ALMS1: variants seen among roughly 807,000 people sequenced by gnomAD.
ALMS1 encodes centrosome-associated protein ALMS1.
Under a neutral mutation model 352.2 loss-of-function variants are expected in ALMS1, and 271 were observed. That is an observed-to-expected ratio of 0.77 (90% CI 0.70 to 0.85). The LOEUF is 0.85. ALMS1 is among the 40% of genes least tolerant of loss of function. The pLI is 0.00. For synonymous variants in ALMS1, 1,865 were observed against 1,761.2 expected, an observed-to-expected ratio of 1.06 and a Z score of -1.48; for missense variants, 5,445 against 4,870.7, an observed-to-expected ratio of 1.12 and a Z score of -3.51.
At chr2:73,607,789 A>G (rs1573060766) in intron 21 of ALMS1, among the ~76,000 whole-genome samples, 1 of 148,940 alleles carries the variant, frequency 6.7e-6, no homozygotes, top group Admixed American at 6.7e-5. Flanking sequence ...GATTACAGGC[A>G]TCTGCCACCA....
At chr2:73,548,448 C>A (rs899597374) in intron 12 of ALMS1, among the ~76,000 whole-genome samples, 1 of 152,204 alleles carries the variant, frequency 6.6e-6, no homozygotes, top group Non-Finnish European at 1.5e-5. Flanking sequence ...GAGGTTGATT[C>A]TCTTGCTTAT....
chr2:73,451,359 C>T lies in ALMS1; in HGVS notation c.4832C>T (p.Pro1611Leu). ...SGPTEKKTDI[P>L]AGPLGSSALG... ...CCTACTGAAAAAAAGACTGACATAC[C>T]AGCAGGACCTTTAGGTTCCAGTGCA... Residue 1611 changes from proline (P) to leucine (L), a missense_variant, in exon 8 of 23, where the codon CCA becomes CTA. Physicochemically the swap from Pro to Leu is moderately conservative, Grantham distance 98. Coordinates refer to ENST00000613296, the MANE Select transcript of ALMS1 (RefSeq NM_001378454.1). 1 of 1,613,938 alleles carries T rather than the reference C, an allele frequency of 6.2e-7. No individual in the cohort carries two copies. The highest frequency in any genetic ancestry group is 8.5e-7 in the Non-Finnish European group (1 of 1,179,962).
At chr2:73,540,663 A>G (rs1674155054) in intron 12 of ALMS1, among the ~76,000 whole-genome samples, 1 of 152,198 alleles carries the variant, frequency 6.6e-6, no homozygotes, top group Non-Finnish European at 1.5e-5. Flanking sequence ...GGCTCAAAAT[A>G]AAGGGATAGA....
In ALMS1 at chr2:73,596,190, C is replaced by T. The variant is rs1035673581; in HGVS notation, c.11548-3211C>T. 2.0e-5 allele frequency among the ~76,000 whole-genome samples: 3 copies of T among 152,150 alleles called. No individual in the cohort carries two copies. The South Asian group carries it at 6.2e-4, about 31-fold the overall frequency. On this transcript the variant is annotated intron_variant, in intron 16 of 22. Transcript: ENST00000613296. The stretch of plus-strand genomic sequence containing the variant: ...TATATTCAAGAACTGTTTGCCTAAC[C>T]AAAGTCATAGAGATATTCTCCTATG...
In ALMS1 at chr2:73,490,859, A is replaced by C; in HGVS notation, c.8900A>C (p.Glu2967Ala). ...GACCTTCCGTCTCCCATTTCTCTTG[A>C]ACAATGCCAAAGCAAAGCGCCAGGT... is the stretch of plus-strand genomic sequence containing the variant. ...ASDLPSPISL[E>A]QCQSKAPGVD... is the part of the protein sequence containing the mutation. The change falls in exon 10 of 23, where the codon GAA (glutamate) becomes GCA (alanine). Residue 2967 changes from glutamate (E) to alanine (A), a missense_variant. Coordinates refer to ENST00000613296, the MANE Select transcript of ALMS1 (RefSeq NM_001378454.1). 6.2e-7 allele frequency: 1 copy of C among 1,614,002 alleles called. No individual in the cohort carries two copies. Among genetic ancestry groups the C allele is most frequent in the South Asian group, 1.1e-5 (1 of 91,068 alleles).
At position 73,600,717 on chromosome 2, in the gene ALMS1, G is replaced by A. The variant is rs201673771; in HGVS notation, c.11708G>A (p.Arg3903Gln). Residue 3903 changes from arginine (R) to glutamine (Q), a missense_variant, in exon 18 of 23, where the codon CGA becomes CAA. Transcript: ENST00000613296. Reference sequence around the variant, plus strand: ...GTGAACGGTGCCAAAAAACACACTCGAGATGTTGGGATAACTTTCCCAACT... The same window carrying A: ...GTGAACGGTGCCAAAAAACACACTCAAGATGTTGGGATAACTTTCCCAACT... ...EIVNGAKKHT[R>Q]DVGITFPTPS... 8.3e-4 allele frequency: 1,335 copies of A among 1,614,068 alleles called. 1 individual carries two copies. Among genetic ancestry groups the A allele is most frequent in the Non-Finnish European group, 1.1e-3 (1,260 of 1,180,008 alleles).
intron 9 of ALMS1, among the ~76,000 whole-genome samples, chr2:73,473,612 C>T (rs933185951): frequency 2.0e-5 from 3 of 151,968 alleles, no homozygotes; most frequent in Non-Finnish European, 4.4e-5. Context: ...ACTCAATGAG[C>T]TGAACAATAC....
chr2:73,609,151 G>A (rs1329688153), intron 22 of ALMS1, among the ~76,000 whole-genome samples: 1 of 152,228 alleles, frequency 6.6e-6, no homozygotes, highest in Non-Finnish European at 1.5e-5. Context: ...ATACTTCACT[G>A]TAGTTGTTTC....
intron 13 of ALMS1, among the ~76,000 whole-genome samples, chr2:73,555,125 A>G (rs1423401721): frequency 2.6e-5 from 4 of 152,210 alleles, no homozygotes; most frequent in Admixed American, 2.6e-4. Context: ...TTTTTCGTGG[A>G]ACTTGACAGG....
rs1279010454 is a variant in ALMS1, at chr2:73,424,769, A to G, written c.1104A>G (p.Ser368=). The G allele has an allele frequency of 2.5e-6, 4 of 1,613,742 alleles. No homozygotes were observed. Among genetic ancestry groups the G allele is most frequent in the East Asian group, 4.5e-5 (2 of 44,892 alleles). ...ENNLADKDQV[S]VATSFDITDE... ...ATTTAGCTGATAAAGATCAAGTTTC[A>G]GTTGCAACTTCATTTGACATAACTG... The change falls in exon 5 of 23, where the codon TCA becomes TCG. Residue 368 remains serine, a synonymous_variant. Coordinates refer to ENST00000613296, the MANE Select transcript of ALMS1 (RefSeq NM_001378454.1).
intron 1 of ALMS1, among the ~76,000 whole-genome samples, chr2:73,404,488 TGAAA>T (rs1670933901): frequency 6.6e-6 from 1 of 151,962 alleles, no homozygotes; most frequent in East Asian, 1.9e-4. Flanking sequence ...TTTTAAATAA[TGAAA>T]GGGTGTTGAA....
Position 73,602,245 on chromosome 2 carries a change from C to T in ALMS1, c.12175C>T (p.Leu4059=), listed in dbSNP as rs1052162. ...ISRSGERIKR[L]KLIVQERKLQ... is the part of the protein sequence containing the mutation. The stretch of plus-strand genomic sequence containing the variant: ...CCGCTCTGGGGAGCGGATAAAGCGC[C>T]TGAAGTTAATAGTCCAGGAGAGGAA... The change falls in exon 20 of 23, where the codon CTG becomes TTG. Residue 4059 remains leucine (L), a synonymous_variant. Transcript: ENST00000613296. 407,452 of 1,613,824 alleles carry T rather than the reference C, an allele frequency of 0.25. 62,464 individuals are homozygous for T. Among genetic ancestry groups the T allele is most frequent in the African/African-American group, 0.71 (53,347 of 74,938 alleles).
rs1345015078 is a variant in ALMS1 at position 73,453,880 on chromosome 2, A to G, written c.7353A>G (p.Ser2451=). The change falls in exon 8 of 23, where the codon TCA becomes TCG. Residue 2451 remains serine, a synonymous_variant. Coordinates refer to ENST00000613296, the MANE Select transcript of ALMS1 (RefSeq NM_001378454.1). ...TTCTAAACTTCTTTCCATATGTTTCACCCAAGACAAGTATAACAGATAGCA... is the reference window on the plus strand; with the variant it reads ...TTCTAAACTTCTTTCCATATGTTTCGCCCAAGACAAGTATAACAGATAGCA... ...DVLLNFFPYV[S]PKTSITDSRE... is the part of the protein sequence containing the mutation. The G allele has an allele frequency of 6.2e-7, 1 of 1,614,094 alleles. No homozygotes were observed. Among genetic ancestry groups the G allele is most frequent in the Non-Finnish European group, 8.5e-7 (1 of 1,180,000 alleles).
At chr2:73,604,491 A>G (rs10174770) in intron 21 of ALMS1, among the ~76,000 whole-genome samples, 5,191 of 152,314 alleles carry the variant, frequency 0.034, 303 homozygotes, top group African/African-American at 0.12. Flanking sequence ...TGACTTTTTT[A>G]GGCATTCATT....
intron 1 of ALMS1, among the ~76,000 whole-genome samples, chr2:73,394,440 C>T (rs1300915099): frequency 1.3e-5 from 2 of 152,072 alleles, no homozygotes; most frequent in South Asian, 2.1e-4. Context: ...AAACCTCTGC[C>T]TCCTGGGTTC....
chr2:73,563,413 T>C (rs557521770), intron 15 of ALMS1, among the ~76,000 whole-genome samples: 102 of 152,140 alleles, frequency 6.7e-4, no homozygotes, highest in South Asian at 4.2e-3. Context: ...TAAGGAAATT[T>C]ATGTTGCCTT....
rs139512700 is a variant in ALMS1 at position 73,424,847 on chromosome 2, T to C, written c.1182T>C (p.Tyr394=). The C allele has an allele frequency of 7.1e-4, 1,138 of 1,607,850 alleles. 4 individuals are homozygous for C. In the African/African-American group the frequency reaches 0.012, roughly 17 times the overall value. The change falls in exon 5 of 23, where the codon TAT becomes TAC. Residue 394 remains tyrosine (Y), a synonymous_variant. Transcript: ENST00000613296. ...ACCATTTTGATGCTGCTCGTTCATATGGGCAGTATTGGACACAGGAAGATT... is the reference window on the plus strand; with the variant it reads ...ACCATTTTGATGCTGCTCGTTCATACGGGCAGTATTGGACACAGGAAGATT... ...RSDHFDAARS[Y]GQYWTQEDSS... is the part of the protein sequence containing the mutation.
intron 12 of ALMS1, among the ~76,000 whole-genome samples, chr2:73,545,158 T>G (rs1351892473): frequency 1.3e-5 from 2 of 151,858 alleles, no homozygotes; most frequent in Non-Finnish European, 2.9e-5. Flanking sequence ...AAGTGTACAC[T>G]TAAAAATGAT....
intron 2 of ALMS1, among the ~76,000 whole-genome samples, chr2:73,415,034 C>A (rs1261382526): frequency 6.6e-6 from 1 of 152,106 alleles, no homozygotes; most frequent in Non-Finnish European, 1.5e-5. Context: ...GCGGTCTCAT[C>A]CAGATCCAGG....
Sources: allele counts gnomAD v4.1 joint callset (sites outside exome capture counted in the v4.1 genomes callset), GRCh38; gene constraint gnomAD v4.1.1; transcripts MANE v1.5; gene names NCBI Gene and HGNC (gene_info 2026-07-23, HGNC 2026-07-21).